The following SLC30A8 variants were observed in gnomAD, a reference collection of about 807,000 sequenced individuals.
SLC30A8 encodes the protein proton-coupled zinc antiporter SLC30A8.
In SLC30A8, 27 loss-of-function variants were observed where a neutral mutation model predicts 36.9. That is an observed-to-expected ratio of 0.73 (90% confidence interval 0.54 to 1.01). The LOEUF (loss-of-function observed/expected upper bound fraction) is 1.01, where lower values mean the gene tolerates loss of function less well. Ranked by LOEUF, SLC30A8 falls within the 50% of genes least tolerant of loss-of-function variation. The pLI is 0.00. For synonymous variants in SLC30A8, 164 were observed against 172.4 expected (o/e 0.95, Z 0.38); for missense variants, 439 against 452.0 (o/e 0.97, Z 0.26).
At chr8:117,071,408 T>C (rs1195889155) in intron 2 of SLC30A8, among the ~76,000 whole-genome samples, 1 of 152,234 alleles carries the variant, frequency 6.6e-6, no homozygotes, top group African/African-American at 2.4e-5. Context: ...GTTTTCTTGC[T>C]ATTAAGTTAA....
rs201797531 is a variant in SLC30A8, at chr8:117,157,802, T to G, written c.530T>G (p.Val177Gly). The G allele has an allele frequency of 1.9e-6, 3 of 1,614,142 alleles. No homozygotes were observed. The Admixed American group carries it at 5.0e-5, about 27-fold the overall frequency. ...CCTGATTACCAGATCCAGGCGACTGTGATGATCATCGTTTCCAGCTGCGCA... is the reference window on the plus strand; with the variant it reads ...CCTGATTACCAGATCCAGGCGACTGGGATGATCATCGTTTCCAGCTGCGCA... The part of the protein sequence containing the change: ...LYPDYQIQAT[V>G]MIIVSSCAVA... The change falls in exon 4 of 8, where the codon GTG (valine) becomes GGG (glycine). Residue 177 changes from valine (V) to glycine (G), a missense_variant. Val to Gly is a moderately radical substitution (Grantham distance 109). Transcript: ENST00000456015.
intron 1 of SLC30A8, among the ~76,000 whole-genome samples, chr8:117,004,944 T>G (rs1034512433): frequency 1.2e-4 from 18 of 152,116 alleles, no homozygotes; most frequent in Non-Finnish European, 8.8e-5. Flanking sequence ...CTCAATTCTC[T>G]TATATTGGAA....
intron 2 of SLC30A8, among the ~76,000 whole-genome samples, chr8:117,083,464 A>C (rs896769244): frequency 2.6e-5 from 4 of 152,182 alleles, no homozygotes; most frequent in Non-Finnish European, 4.4e-5. Flanking sequence ...ACTGTGAAGA[A>C]CCATTTGAGC....
chr8:117,045,338 A>G (rs6999899), intron 2 of SLC30A8, among the ~76,000 whole-genome samples: 1 of 151,786 alleles, frequency 6.6e-6, no homozygotes, highest in Non-Finnish European at 1.5e-5. Context: ...TCGTTCCCCC[A>G]CCGTACTTGA....
intron 2 of SLC30A8, among the ~76,000 whole-genome samples, chr8:117,113,849 T>C (rs1046588696): frequency 2.2e-4 from 33 of 152,174 alleles, no homozygotes; most frequent in African/African-American, 7.7e-4. Context: ...TACAAAATAA[T>C]TGTAATTCAT....
rs188651419 is a variant in SLC30A8, at chr8:116,990,624, T to C, written c.-266+39505T>C. Among the ~76,000 whole-genome samples the C allele has an allele frequency of 2.2e-3, 338 of 152,202 alleles. 2 individuals are homozygous for C. The highest frequency in any genetic ancestry group is 7.5e-3 in the African/African-American group (312 of 41,522). On this transcript the variant is annotated intron_variant, in intron 1 of 10. Transcript: ENST00000427715. ...GAGGAGTCTGAGGCAACGTGATGAC[T>C]ATATGCAATGTGGTGTCTCGGAATG...
At chr8:117,050,793 A>G (rs1817684874) in intron 2 of SLC30A8, among the ~76,000 whole-genome samples, 1 of 152,230 alleles carries the variant, frequency 6.6e-6, no homozygotes, top group Non-Finnish European at 1.5e-5. Context: ...TAAAAAAGGA[A>G]TGAAGTCACA....
At chr8:116,985,027 C>T (rs1371625922) in intron 1 of SLC30A8, among the ~76,000 whole-genome samples, 2 of 151,866 alleles carry the variant, frequency 1.3e-5, no homozygotes, top group Non-Finnish European at 2.9e-5. Context: ...TTTATGGTTT[C>T]TGTGTTTGTG....
intron 1 of SLC30A8, among the ~76,000 whole-genome samples, chr8:116,990,971 T>C (rs748337879): frequency 6.6e-6 from 1 of 152,184 alleles, no homozygotes; most frequent in African/African-American, 2.4e-5. Flanking sequence ...AAAGAATTAG[T>C]ATTTTGTTCA....
At position 117,106,772 on chromosome 8, in the gene SLC30A8, C is replaced by T. The variant is rs79361938; in HGVS notation, c.-225-28508C>T. On this transcript the variant is annotated intron_variant, in intron 2 of 10. Transcript: ENST00000427715. ...TAAAAATAGAACTCAACTTTGCACACGGTTTCAGAATGATTGCATCTTCCC... is the reference window on the plus strand; with the variant it reads ...TAAAAATAGAACTCAACTTTGCACATGGTTTCAGAATGATTGCATCTTCCC... 5.1e-3 allele frequency among the ~76,000 whole-genome samples: 775 copies of T among 152,294 alleles called. 20 individuals carry two copies. The East Asian group carries it at 0.091, about 18-fold the overall frequency.
intron 2 of SLC30A8, among the ~76,000 whole-genome samples, chr8:117,075,597 T>C (rs1455637596): frequency 6.6e-6 from 1 of 152,226 alleles, no homozygotes; most frequent in Non-Finnish European, 1.5e-5. Context: ...ATATGAAAGT[T>C]TGGGTGAGTT....
chr8:117,022,407 G>A (rs1357509319), intron 1 of SLC30A8, among the ~76,000 whole-genome samples: 2 of 151,810 alleles, frequency 1.3e-5, no homozygotes, highest in African/African-American at 4.9e-5. Flanking sequence ...TCAAATGGCA[G>A]AACAGGCAAA....
At chr8:117,111,386 C>G (rs1388131465) in intron 2 of SLC30A8, among the ~76,000 whole-genome samples, 3 of 152,132 alleles carry the variant, frequency 2.0e-5, no homozygotes, top group Non-Finnish European at 1.5e-5. Context: ...CAGTAGACCA[C>G]TCTTATTTGC....
chr8:116,975,094 C>G (rs1031780137), intron 1 of SLC30A8, among the ~76,000 whole-genome samples: 1 of 151,552 alleles, frequency 6.6e-6, no homozygotes, highest in Admixed American at 6.6e-5. Flanking sequence ...TACCTAATGA[C>G]GAGTTACTGG....
At chr8:117,049,178 G>A (rs187416452) in intron 2 of SLC30A8, among the ~76,000 whole-genome samples, 159 of 152,288 alleles carry the variant, frequency 1.0e-3, no homozygotes, top group Non-Finnish European at 8.8e-5. Context: ...TGTCCCTCAA[G>A]TTAAAATGTA....
intron 2 of SLC30A8, among the ~76,000 whole-genome samples, chr8:117,050,979 A>G (rs764314209): frequency 7.2e-5 from 11 of 152,256 alleles, no homozygotes; most frequent in Non-Finnish European, 1.5e-4. Context: ...ACTGATAAAT[A>G]GGTTTCTAAT....
intron 1 of SLC30A8, among the ~76,000 whole-genome samples, chr8:117,018,706 G>A (rs1816608239): frequency 7.9e-6 from 1 of 126,372 alleles, no homozygotes. Flanking sequence ...TTGTTCTGTT[G>A]CCCAGGCTGG....
chr8:117,042,531 A>G (rs903701953), intron 2 of SLC30A8, among the ~76,000 whole-genome samples: 4 of 152,132 alleles, frequency 2.6e-5, no homozygotes, highest in African/African-American at 4.8e-5. Context: ...CTCAGGTACT[A>G]TCTGGTCTGG....
intron 2 of SLC30A8, chr8:117,147,433 A>G: frequency 2.8e-6 from 1 of 359,930 alleles, no homozygotes; most frequent in Non-Finnish European, 5.2e-6. Context: ...CATAACTGAG[A>G]GCATACTGAA....
Sources: allele counts gnomAD v4.1 joint callset (sites outside exome capture counted in the v4.1 genomes callset), GRCh38; gene constraint gnomAD v4.1.1; transcripts MANE v1.5; gene names NCBI Gene and HGNC (gene_info 2026-07-23, HGNC 2026-07-21).